Variants in DCC observed in about 807,000 individuals in gnomAD.
DCC encodes DCC netrin 1 receptor.
A neutral mutation model predicts 172.5 loss-of-function variants in DCC; 58 were observed. The observed-to-expected ratio is 0.34, with a 90% CI of 0.27 to 0.42. The LOEUF (loss-of-function observed/expected upper bound fraction) is 0.42, where lower values mean the gene tolerates loss of function less well. Ranked by LOEUF, DCC falls within the 10% of genes least tolerant of loss-of-function variation. The probability of loss-of-function intolerance (pLI) is 1.00; values close to 1 mark genes in which losing one functional copy is unlikely to be tolerated. For missense variants in DCC, 1,740 were observed against 1,791.0 expected (o/e 0.97, Z 0.51); for synonymous variants, 709 against 644.5 (o/e 1.10, Z -1.52).
intron 15 of DCC, among the ~76,000 whole-genome samples, chr18:53,345,692 A>C (rs1397501971): frequency 2.0e-5 from 3 of 152,060 alleles, no homozygotes; most frequent in Non-Finnish European, 4.4e-5. Flanking sequence ...GCTTTATCTG[A>C]AAATATCTTA....
intron 2 of DCC, among the ~76,000 whole-genome samples, chr18:52,888,587 A>C (rs2039602473): frequency 6.6e-6 from 1 of 152,122 alleles, no homozygotes; most frequent in African/African-American, 2.4e-5. Context: ...ACAAGTATGA[A>C]AAGTGTTCTA....
At chr18:52,366,453 G>T (rs531071429) in intron 1 of DCC, among the ~76,000 whole-genome samples, 430 of 152,286 alleles carry the variant, frequency 2.8e-3, no homozygotes, top group Non-Finnish European at 3.9e-3. Flanking sequence ...GAGCCGAGTG[G>T]CCTGTTTTGT....
At position 52,397,657 on chromosome 18, in the gene DCC, C is replaced by T. The variant is rs555526791; in HGVS notation, c.91+56779C>T. ...ACTCTTCCGAATCTGCCCACAGTTG[C>T]TATAGCTGTGTGTATGACTCTTTGG... On this transcript the variant is annotated intron_variant, in intron 1 of 28. Coordinates refer to ENST00000442544, the MANE Select transcript of DCC (RefSeq NM_005215.4). Among the ~76,000 whole-genome samples the T allele has an allele frequency of 1.6e-4, 25 of 152,136 alleles. No homozygotes were observed. The East Asian group carries it at 4.9e-3, about 30-fold the overall frequency.
At chr18:53,027,795 G>T (rs187554129) in intron 5 of DCC, among the ~76,000 whole-genome samples, 1 of 150,920 alleles carries the variant, frequency 6.6e-6, no homozygotes, top group South Asian at 2.1e-4. Context: ...AATAACTTGC[G>T]TATAGTTTTG....
At chr18:52,902,633 T>G (rs16955814) in intron 2 of DCC, among the ~76,000 whole-genome samples, 4 of 152,228 alleles carry the variant, frequency 2.6e-5, no homozygotes, top group Non-Finnish European at 4.4e-5. Context: ...TAGATATTCA[T>G]GCACATACCT....
At chr18:52,865,645 GTTTTC>G (rs2039215175) in intron 2 of DCC, among the ~76,000 whole-genome samples, 3 of 151,252 alleles carry the variant, frequency 2.0e-5, no homozygotes, top group Admixed American at 6.6e-5. Context: ...CCGCCTAAAT[GTTTTC>G]TTTTGAGAAG....
intron 1 of DCC, among the ~76,000 whole-genome samples, chr18:52,707,725 G>C (rs1190706845): frequency 6.6e-6 from 1 of 152,146 alleles, no homozygotes; most frequent in African/African-American, 2.4e-5. Flanking sequence ...GGATGAACCT[G>C]AAGGACATTA....
intron 7 of DCC, among the ~76,000 whole-genome samples, chr18:53,094,118 G>A (rs944929079): frequency 8.5e-5 from 13 of 152,088 alleles, no homozygotes; most frequent in Non-Finnish European, 1.8e-4. Context: ...TCATTTTGTG[G>A]TAATATTTAC....
intron 21 of DCC, among the ~76,000 whole-genome samples, chr18:53,429,613 G>T (rs1285825469): frequency 6.6e-6 from 1 of 152,028 alleles, no homozygotes; most frequent in African/African-American, 2.4e-5. Flanking sequence ...AGAAATATGG[G>T]TAATGGCATA....
At chr18:52,484,663 G>T (rs576813123) in intron 1 of DCC, among the ~76,000 whole-genome samples, 8 of 152,114 alleles carry the variant, frequency 5.3e-5, no homozygotes, top group African/African-American at 1.9e-4. Flanking sequence ...CTAGGTACTA[G>T]TTCTTCTATA....
intron 9 of DCC, among the ~76,000 whole-genome samples, chr18:53,199,192 G>A (rs2055497140): frequency 6.6e-6 from 1 of 151,670 alleles, no homozygotes; most frequent in Admixed American, 6.6e-5. Flanking sequence ...CAGGGATCAA[G>A]GGATTATCCT....
rs1457478909 is a variant in DCC at position 53,329,239 on chromosome 18, G to T, written c.2164+7082G>T. 3.9e-5 allele frequency among the ~76,000 whole-genome samples: 6 copies of T among 152,132 alleles called. No individual in the cohort carries two copies. The East Asian group carries it at 1.2e-3, about 29-fold the overall frequency. On this transcript the variant is annotated intron_variant, in intron 14 of 28. Coordinates refer to ENST00000442544, the MANE Select transcript of DCC (RefSeq NM_005215.4). ...CACATTTGTTTTAAGATCCAAACAAGCTTAAAAACTTCCTACAATTTCTGT... is the reference window on the plus strand; with the variant it reads ...CACATTTGTTTTAAGATCCAAACAATCTTAAAAACTTCCTACAATTTCTGT...
intron 2 of DCC, among the ~76,000 whole-genome samples, chr18:52,803,162 G>C (rs1342016780): frequency 3.9e-5 from 6 of 152,132 alleles, no homozygotes; most frequent in Non-Finnish European, 8.8e-5. Flanking sequence ...AACATCACTA[G>C]TGGCACTTCG....
At chr18:53,366,615 T>A (rs2058007253) in intron 15 of DCC, among the ~76,000 whole-genome samples, 1 of 152,228 alleles carries the variant, frequency 6.6e-6, no homozygotes, top group Admixed American at 6.5e-5. Context: ...TATCTCCTCT[T>A]CTGGAAGAAA....
At chr18:52,854,222 C>T (rs1168995048) in intron 2 of DCC, among the ~76,000 whole-genome samples, 1 of 152,134 alleles carries the variant, frequency 6.6e-6, no homozygotes, top group Non-Finnish European at 1.5e-5. Flanking sequence ...TTCTATTTTG[C>T]ATCATGAAGG....
At chr18:52,619,307 T>G (rs953109934) in intron 1 of DCC, among the ~76,000 whole-genome samples, 5 of 152,268 alleles carry the variant, frequency 3.3e-5, no homozygotes. Context: ...CTAGTATCCC[T>G]GCTAGATATA....
chr18:52,915,163 A>G (rs1038036564), intron 3 of DCC, among the ~76,000 whole-genome samples: 20 of 152,170 alleles, frequency 1.3e-4, no homozygotes, highest in African/African-American at 4.6e-4. Context: ...CTTTAGATTC[A>G]GTGCCGTAAA....
intron 5 of DCC, among the ~76,000 whole-genome samples, chr18:53,047,235 GATATATATAT>G (rs70944616): frequency 1.0e-3 from 31 of 30,278 alleles, no homozygotes; most frequent in East Asian, 4.8e-3. Flanking sequence ...CTGCAGGTAG[GATATATATAT>G]ATATATATAT....
intron 1 of DCC, among the ~76,000 whole-genome samples, chr18:52,418,741 A>G (rs1215816456): frequency 6.6e-6 from 1 of 152,128 alleles, no homozygotes. Flanking sequence ...GGCGCATGTC[A>G]TAAGCTCCAA....
Sources: allele counts gnomAD v4.1 joint callset (sites outside exome capture counted in the v4.1 genomes callset), GRCh38; gene constraint gnomAD v4.1.1; transcripts MANE v1.5; gene names NCBI Gene and HGNC (gene_info 2026-07-23, HGNC 2026-07-21).